Variants in KDM3A observed in about 807,000 individuals in gnomAD.
KDM3A encodes the protein lysine demethylase 3A.
Under a neutral mutation model 158.0 loss-of-function variants are expected in KDM3A, and 60 were observed. That is an observed-to-expected ratio of 0.38 (90% CI 0.31 to 0.47). The LOEUF (loss-of-function observed/expected upper bound fraction) is 0.47. Ranked by LOEUF, KDM3A falls within the 20% of genes least tolerant of loss-of-function variation. The probability of loss-of-function intolerance (pLI) is 0.99; values close to 1 mark genes in which losing one functional copy is unlikely to be tolerated. For missense variants in KDM3A, 1,319 were observed against 1,574.3 expected (o/e 0.84, Z 2.74); for synonymous variants, 608 against 549.3 (o/e 1.11, Z -1.49).
chr2:86,456,083 C>G (rs368945718), intron 5 of KDM3A, among the ~76,000 whole-genome samples: 27 of 152,104 alleles, frequency 1.8e-4, no homozygotes, highest in Middle Eastern at 3.4e-3. Flanking sequence ...ATACTCCTTA[C>G]CTTCCCATTT....
chr2:86,477,318 A>G (rs1423085418), intron 12 of KDM3A, among the ~76,000 whole-genome samples: 1 of 152,240 alleles, frequency 6.6e-6, no homozygotes. Flanking sequence ...GTGCCTGCAC[A>G]AAGTTAATGT....
chr2:86,470,120 G>C, intron 10 of KDM3A, 84 bp from the exon 11 acceptor site: 1 of 1,103,264 alleles, frequency 9.1e-7, no homozygotes. Flanking sequence ...AGGGAATATT[G>C]GGTTTTTGAA....
In KDM3A at chr2:86,490,979, A is replaced by G. The variant is rs1301695871; in HGVS notation, c.3672A>G (p.Gln1224=). 2 of 1,613,910 alleles carry G rather than the reference A, an allele frequency of 1.2e-6. No individual in the cohort carries two copies. The highest frequency in any genetic ancestry group is 1.3e-5 in the African/African-American group (1 of 74,918). The change falls in exon 24 of 26, where the codon CAA becomes CAG. Residue 1224 remains glutamine, a synonymous_variant. Transcript: ENST00000312912. The stretch of plus-strand genomic sequence containing the variant: ...GATCATTAAGAAAACGTCTTCATCA[A>G]GAGTATGGAGTTCAAGGCTGGGCTA... ...LDRSLRKRLH[Q]EYGVQGWAIV... is the part of the protein sequence containing the mutation.
In KDM3A at chr2:86,474,975, A is replaced by G. The variant is rs772844003; in HGVS notation, c.1924A>G (p.Thr642Ala). 179 of 1,613,844 alleles carry G rather than the reference A, an allele frequency of 1.1e-4. No homozygotes were observed. The highest frequency in any genetic ancestry group is 1.4e-4 in the Non-Finnish European group (169 of 1,179,888). The change falls in exon 12 of 26, where the codon ACT (threonine) becomes GCT (alanine). Residue 642 changes from threonine to alanine, a missense_variant. Physicochemically the swap from Thr to Ala is moderately conservative, Grantham distance 58 (BLOSUM62 0). Around this residue, in one of 4 missense-constraint regions of KDM3A, gnomAD observed 113 missense variants for 190.5 expected, o/e 0.59. Coordinates refer to ENST00000312912, the MANE Select transcript of KDM3A (RefSeq NM_018433.6). Reference sequence around the variant, plus strand: ...GATTTCTGAAAAGGAAGCTATGTCAACTATTGAGCCACACAGTAAGAGCAT... The same window carrying G: ...GATTTCTGAAAAGGAAGCTATGTCAGCTATTGAGCCACACAGTAAGAGCAT... ...MVISEKEAMS[T>A]IEPHRQVAWK... is the part of the protein sequence containing the mutation.
intron 2 of KDM3A, among the ~76,000 whole-genome samples, chr2:86,443,942 A>G (rs1163635085): frequency 2.6e-5 from 4 of 152,072 alleles, no homozygotes; most frequent in African/African-American, 9.7e-5. Context: ...TCTCTAGTGC[A>G]TTTGTTTTTA....
chr2:86,456,416 ATTT>A (rs11431031), intron 5 of KDM3A, 23 bp from the exon 6 acceptor site: 1,728 of 1,054,086 alleles, frequency 1.6e-3, no homozygotes, highest in South Asian at 3.5e-3. Flanking sequence ...TTGCTCTAAG[ATTT>A]TTTTTTTTTT....
chr2:86,483,994 T>C lies in KDM3A; in HGVS notation c.2930T>C (p.Met977Thr). Residue 977 changes from methionine (M) to threonine (T), a missense_variant, in exon 19 of 26, where the codon ATG becomes ACG. Met to Thr is a moderately conservative substitution (Grantham distance 81). Around this residue, in one of 4 missense-constraint regions of KDM3A, gnomAD observed 368 missense variants for 415.8 expected, o/e 0.89. Coordinates refer to ENST00000312912, the MANE Select transcript of KDM3A (RefSeq NM_018433.6). ...TTCCTTCTCTTCATTTAGCCAGTGA[T>C]GGTGTCTGGAGTGCATCATAAATTG... The part of the protein sequence containing the change: ...RECWKQGQPV[M>T]VSGVHHKLNS... The C allele has an allele frequency of 4.3e-6, 7 of 1,610,236 alleles. No individual in the cohort carries two copies. Among genetic ancestry groups the C allele is most frequent in the Non-Finnish European group, 5.9e-6 (7 of 1,178,472 alleles).
At position 86,456,995 on chromosome 2, in the gene KDM3A, G is replaced by T; in HGVS notation, c.767G>T (p.Arg256Ile). The change falls in exon 8 of 26, where the codon AGA (arginine) becomes ATA (isoleucine). Residue 256 changes from arginine to isoleucine, a missense_variant. Arg to Ile is a moderately conservative substitution (Grantham distance 97, BLOSUM62 -3). Coordinates refer to ENST00000312912, the MANE Select transcript of KDM3A (RefSeq NM_018433.6). Reference sequence around the variant, plus strand: ...TTAAATATTTTAGGTAATTCTGCAAGAATTGGAGCTGTAAAACGCAAGTCT... The same window carrying T: ...TTAAATATTTTAGGTAATTCTGCAATAATTGGAGCTGTAAAACGCAAGTCT... ...DNLVTCGNSA[R>I]IGAVKRKSSE... The T allele has an allele frequency of 6.2e-7, 1 of 1,600,740 alleles. No homozygotes were observed. Among genetic ancestry groups the T allele is most frequent in the Non-Finnish European group, 8.5e-7 (1 of 1,172,332 alleles).
intron 4 of KDM3A, among the ~76,000 whole-genome samples, chr2:86,454,224 A>G (rs1319204922): frequency 6.6e-6 from 1 of 152,220 alleles, no homozygotes; most frequent in Admixed American, 6.5e-5. Flanking sequence ...GTTTCTTACC[A>G]GGAAGGGAGC....
At chr2:86,469,455 A>G (rs1320111087) in intron 10 of KDM3A, among the ~76,000 whole-genome samples, 3 of 152,126 alleles carry the variant, frequency 2.0e-5, no homozygotes, top group African/African-American at 4.8e-5. Context: ...TTACTTTGTT[A>G]TTTTCTCTGA....
intron 2 of KDM3A, among the ~76,000 whole-genome samples, chr2:86,445,581 C>T (rs147230172): frequency 6.8e-4 from 103 of 152,180 alleles, no homozygotes; most frequent in African/African-American, 2.4e-3. Context: ...CCTTCTTAGT[C>T]CTTACAGGTG....
intron 2 of KDM3A, among the ~76,000 whole-genome samples, chr2:86,443,875 G>A (rs774361076): frequency 1.5e-4 from 23 of 152,186 alleles, no homozygotes; most frequent in Non-Finnish European, 2.9e-5. Context: ...GCTGGGCTTT[G>A]TGTACTAGAT....
intron 25 of KDM3A, 84 bp downstream of exon 25, chr2:86,491,359 G>T (rs1674447895): frequency 7.0e-7 from 1 of 1,421,164 alleles, no homozygotes; most frequent in South Asian, 1.2e-5. Context: ...GAGAGTCAGT[G>T]AACTTGGCCA....
At position 86,457,013 on chromosome 2, in the gene KDM3A, G is replaced by A; in HGVS notation, c.785G>A (p.Arg262His). 6.2e-7 allele frequency: 1 copy of A among 1,603,002 alleles called. No individual in the cohort carries two copies. Among genetic ancestry groups the A allele is most frequent in the Non-Finnish European group, 8.5e-7 (1 of 1,173,464 alleles). The change falls in exon 8 of 26, where the codon CGC becomes CAC. Residue 262 changes from arginine (R) to histidine (H), a missense_variant. Around this residue, in one of 4 missense-constraint regions of KDM3A, gnomAD observed 652 missense variants for 627.2 expected, o/e 1.04. Coordinates refer to ENST00000312912, the MANE Select transcript of KDM3A (RefSeq NM_018433.6). ...GNSARIGAVK[R>H]KSSENNGTLV... is the part of the protein sequence containing the mutation. ...TCTGCAAGAATTGGAGCTGTAAAACGCAAGTCTTCTGAGAATAATGGAACC... is the reference window on the plus strand; with the variant it reads ...TCTGCAAGAATTGGAGCTGTAAAACACAAGTCTTCTGAGAATAATGGAACC...
Position 86,442,226 on chromosome 2 carries a change from A to T in KDM3A, c.179A>T (p.Asp60Val). 1 of 1,608,032 alleles carries T rather than the reference A, an allele frequency of 6.2e-7. No individual in the cohort carries two copies. The highest frequency in any genetic ancestry group is 8.5e-7 in the Non-Finnish European group (1 of 1,176,256). Residue 60 changes from aspartate (D) to valine (V), a missense_variant, in exon 2 of 26, where the codon GAT becomes GTT. Around this residue, in one of 4 missense-constraint regions of KDM3A, gnomAD observed 652 missense variants for 627.2 expected, o/e 1.04. Coordinates refer to ENST00000312912, the MANE Select transcript of KDM3A (RefSeq NM_018433.6). ...AVSHTDVTKK[D>V]LKVCVEFDGE... Reference sequence around the variant, plus strand: ...TCCCACACCGACGTTACCAAGAAGGATCTGAAGGTACAGGCGGCTCCGGGC... The same window carrying T: ...TCCCACACCGACGTTACCAAGAAGGTTCTGAAGGTACAGGCGGCTCCGGGC...
At chr2:86,445,969 C>G (rs1337354492) in intron 2 of KDM3A, among the ~76,000 whole-genome samples, 2 of 152,140 alleles carry the variant, frequency 1.3e-5, no homozygotes, top group African/African-American at 2.4e-5. Context: ...TTCTGTGCTC[C>G]TGCTTTTAAA....
At chr2:86,484,905 TTATAAA>T (rs759843099) in intron 19 of KDM3A, 31 bp from the exon 20 acceptor site, 3 of 1,303,048 alleles carry the variant, frequency 2.3e-6, no homozygotes, top group South Asian at 2.4e-5. Flanking sequence ...TGTTTCTGAA[TTATAAA>T]TAGTAATAGT....
At chr2:86,458,988 C>T (rs1672817071) in intron 8 of KDM3A, among the ~76,000 whole-genome samples, 1 of 148,244 alleles carries the variant, frequency 6.7e-6, no homozygotes, top group African/African-American at 2.5e-5. Flanking sequence ...ATTTAGGAGA[C>T]AGCAGTAGTT....
intron 4 of KDM3A, among the ~76,000 whole-genome samples, chr2:86,451,792 A>G (rs1672481946): frequency 6.6e-6 from 1 of 152,200 alleles, no homozygotes; most frequent in African/African-American, 2.4e-5. Flanking sequence ...AGTGCTGTCC[A>G]TTTACGGTTG....
Sources: gnomAD v4.1 joint callset for allele counts (sites outside exome capture counted in the v4.1 genomes callset) on GRCh38, gnomAD v4.1.1 for gene constraint, gnomAD v4.1.1 regional missense constraint, MANE v1.5 for transcripts, NCBI Gene and HGNC (gene_info 2026-07-23, HGNC 2026-07-21) for gene names.